Variants in SAMD5 observed in about 807,000 individuals in gnomAD.
The protein encoded by SAMD5 is sterile alpha motif domain containing 5.
SAMD5 carries 13 observed loss-of-function variants against 11.3 expected under a neutral mutation model. The ratio of observed to expected loss-of-function variants is 1.15; its 90% CI spans 0.75 to 1.83. The LOEUF is 1.83. SAMD5 is among the 40% of genes most tolerant of loss of function. The pLI, the probability that SAMD5 is intolerant of heterozygous loss-of-function variation, is 0.00. For synonymous variants in SAMD5, 129 were observed against 111.3 expected, an observed-to-expected ratio of 1.16 and a Z score of -1.00; for missense variants, 255 against 239.1, an observed-to-expected ratio of 1.07 and a Z score of -0.44.
chr6:147,723,432 C>G (rs1791582939), intron 1 of SAMD5, among the ~76,000 whole-genome samples: 1 of 152,280 alleles, frequency 6.6e-6, no homozygotes, highest in South Asian at 2.1e-4. Flanking sequence ...CCTACCCTTC[C>G]CCTAGCAGCT....
intron 1 of SAMD5, among the ~76,000 whole-genome samples, chr6:147,666,820 G>A (rs1322909473): frequency 1.3e-5 from 2 of 152,134 alleles, no homozygotes; most frequent in Non-Finnish European, 2.9e-5. Context: ...ACATTTACTG[G>A]GATGCTGTTG....
intron 1 of SAMD5, among the ~76,000 whole-genome samples, chr6:147,715,564 C>A (rs964996394): frequency 6.6e-6 from 1 of 152,220 alleles, no homozygotes; most frequent in Admixed American, 6.5e-5. Flanking sequence ...CTCTTCTCCC[C>A]TCTCCTTCTT....
chr6:147,646,971 C>CTAATAATAA lies in SAMD5; in HGVS notation c.163-90309_163-90301dup, dbSNP rs5880722. The stretch of plus-strand genomic sequence containing the variant: ...TGGCCAACATGGTGAAACCTCATCT[C>CTAATAATAA]TAATAATAATAATAATAATAATAAT... On this transcript the variant is annotated intron_variant, in intron 1 of 1. Coordinates refer to the SAMD5 transcript ENST00000566741. Among the ~76,000 whole-genome samples, 688 of 138,076 alleles carry CTAATAATAA rather than the reference C, an allele frequency of 5.0e-3. 4 individuals are homozygous for CTAATAATAA. The highest frequency in any genetic ancestry group is 0.016 in the African/African-American group (594 of 36,610). 90.6% of individuals were successfully genotyped at this position (138,076 alleles called of 152,430 possible).
chr6:147,646,252 C>T (rs112422187), intron 1 of SAMD5, among the ~76,000 whole-genome samples: 83 of 152,214 alleles, frequency 5.5e-4, no homozygotes, highest in Admixed American at 2.3e-3. Context: ...CATAGACCAG[C>T]GTGGTGGTAT....
Position 147,567,425 on chromosome 6 carries a change from G to T in SAMD5, c.*2969G>T. On this transcript the variant is annotated 3_prime_UTR_variant, in exon 2 of 2. Coordinates refer to ENST00000367474, the MANE Select transcript of SAMD5 (RefSeq NM_001030060.3). ...TTTAAATTCTAAAATTATTCTAGTA[G>T]TATTTTCCTGCGGTGAATCTGTTAA... The T allele has an allele frequency of 1.0e-6, 1 of 984,580 alleles. No individual in the cohort carries two copies. The highest frequency in any genetic ancestry group is 1.1e-4 in the East Asian group (1 of 8,808). The allele number at this position is 984,580 out of a possible 1,614,324, so 61.0% of individuals were successfully genotyped here.
At chr6:147,781,400 C>T in the SAMD5 span, among the ~76,000 whole-genome samples, 2 of 152,074 alleles carry the variant, frequency 1.3e-5, no homozygotes, top group South Asian at 4.1e-4. Context: ...TTAATGTTGC[C>T]TCTGAGACCT....
the SAMD5 span, among the ~76,000 whole-genome samples, chr6:147,782,698 T>C: frequency 6.6e-6 from 1 of 152,206 alleles, no homozygotes; most frequent in Non-Finnish European, 1.5e-5. Context: ...TGTTTAAAAA[T>C]CATGTGCCCT....
intron 1 of SAMD5, among the ~76,000 whole-genome samples, chr6:147,669,874 CCTT>C (rs1790773213): frequency 6.6e-6 from 1 of 152,126 alleles, no homozygotes; most frequent in South Asian, 2.1e-4. Flanking sequence ...GATATTTTGA[CCTT>C]CTTTCATGAA....
At chr6:147,896,755 A>ACACAAAAAACAAACAAAC in the SAMD5 span, among the ~76,000 whole-genome samples, 10,191 of 142,312 alleles carry the variant, frequency 0.072, 503 homozygotes, top group Admixed American at 0.12. Flanking sequence ...AAAAAAAAAA[A>ACACAAAAAACAAACAAAC]AAAAAAAACG....
At chr6:147,717,391 C>T (rs951499540) in intron 1 of SAMD5, among the ~76,000 whole-genome samples, 1 of 152,148 alleles carries the variant, frequency 6.6e-6, no homozygotes, top group African/African-American at 2.4e-5. Context: ...CCGTAAAATC[C>T]AGCTAAGCTC....
At chr6:147,667,224 T>C (rs1338716207) in intron 1 of SAMD5, among the ~76,000 whole-genome samples, 3 of 152,224 alleles carry the variant, frequency 2.0e-5, no homozygotes, top group African/African-American at 7.2e-5. Context: ...CTACAGTTTA[T>C]TATTTGGAAT....
At chr6:147,509,444 G>T in intron 1 of SAMD5, 57 bp downstream of exon 1, 1 of 1,448,974 alleles carries the variant, frequency 6.9e-7, no homozygotes. Flanking sequence ...ACACAGCCCA[G>T]CTGCCTGTGC....
At chr6:147,758,265 A>G in the SAMD5 span, among the ~76,000 whole-genome samples, 1 of 152,240 alleles carries the variant, frequency 6.6e-6, no homozygotes. Flanking sequence ...GTCATGATCC[A>G]TACACAGACT....
At chr6:147,627,052 A>G (rs1318513792) in intron 1 of SAMD5, among the ~76,000 whole-genome samples, 1 of 152,196 alleles carries the variant, frequency 6.6e-6, no homozygotes, top group Admixed American at 6.5e-5. Context: ...ATGGCCTTAG[A>G]ACTACTCAGA....
At chr6:147,822,770 T>C in the SAMD5 span, among the ~76,000 whole-genome samples, 1 of 152,202 alleles carries the variant, frequency 6.6e-6, no homozygotes, top group Admixed American at 6.5e-5. Flanking sequence ...AGTGAGTGAC[T>C]GAATGCAAAG....
At chr6:147,717,854 AAC>A (rs1791490205) in intron 1 of SAMD5, among the ~76,000 whole-genome samples, 1 of 147,506 alleles carries the variant, frequency 6.8e-6, no homozygotes, top group Non-Finnish European at 1.5e-5. Context: ...CTGTCTCAAA[AAC>A]ACAAAACAAA....
chr6:147,887,906 T>C, the SAMD5 span, among the ~76,000 whole-genome samples: 1 of 152,190 alleles, frequency 6.6e-6, no homozygotes, highest in Admixed American at 6.5e-5. Flanking sequence ...AATTTGTATA[T>C]CCCTGATGAC....
Position 147,568,426 on chromosome 6 carries a change from G to A in SAMD5, c.*3970G>A. 1.0e-6 allele frequency: 1 copy of A among 985,100 alleles called. No homozygotes were observed. Among genetic ancestry groups the A allele is most frequent in the Non-Finnish European group, 1.2e-6 (1 of 829,650 alleles). 61.0% of individuals were successfully genotyped at this position (985,100 alleles called of 1,614,324 possible). On this transcript the variant is annotated 3_prime_UTR_variant, in exon 2 of 2. Transcript: ENST00000367474. ...ATATAGATTCTTACAAGTAATATTT[G>A]ATTAGGTATCAAAATAGGTTTAGGC...
the SAMD5 span, among the ~76,000 whole-genome samples, chr6:147,906,933 G>GTTT: frequency 6.6e-6 from 1 of 152,124 alleles, no homozygotes; most frequent in African/African-American, 2.4e-5. Context: ...CTGACAAATA[G>GTTT]TTTTTTCAAA....
Sources: gnomAD v4.1 joint callset for allele counts (sites outside exome capture counted in the v4.1 genomes callset) on GRCh38, gnomAD v4.1.1 for gene constraint, MANE v1.5 for transcripts, NCBI Gene and HGNC (gene_info 2026-07-23, HGNC 2026-07-21) for gene names.